GRM8: variants seen among roughly 807,000 people sequenced by gnomAD.
GRM8 encodes the protein metabotropic glutamate receptor 8.
A neutral mutation model predicts 87.2 loss-of-function variants in GRM8; 47 were observed. The ratio of observed to expected loss-of-function variants is 0.54; its 90% CI spans 0.43 to 0.69. The LOEUF (loss-of-function observed/expected upper bound fraction) is 0.69, where lower values mean the gene tolerates loss of function less well. GRM8 is among the 30% of genes least tolerant of loss of function. The pLI, the probability that GRM8 is intolerant of heterozygous loss-of-function variation, is 0.00. For missense variants in GRM8, 1,019 were observed against 1,139.2 expected, an observed-to-expected ratio of 0.89 and a Z score of 1.52; for synonymous variants, 396 against 404.5, an observed-to-expected ratio of 0.98 and a Z score of 0.25.
In GRM8 at chr7:126,494,835, C is replaced by A. The variant is rs137864130; in HGVS notation, c.2430+38117G>T. Among the ~76,000 whole-genome samples, 352 of 152,038 alleles carry A rather than the reference C, an allele frequency of 2.3e-3. 3 individuals carry two copies. The highest frequency in any genetic ancestry group is 8.1e-3 in the African/African-American group (338 of 41,512). Reference sequence around the variant, plus strand: ...TTTACTAAAATCACAAAATACAACGCCTAAGAGTGTACAAAATACATTCCC... The same window carrying A: ...TTTACTAAAATCACAAAATACAACGACTAAGAGTGTACAAAATACATTCCC... On this transcript the variant is annotated intron_variant, in intron 9 of 10. Transcript: ENST00000339582.
chr7:126,628,305 A>G (rs1226378904), intron 7 of GRM8, among the ~76,000 whole-genome samples: 1 of 152,082 alleles, frequency 6.6e-6, no homozygotes, highest in Non-Finnish European at 1.5e-5. Context: ...TCAGCCTCCC[A>G]AAGTGCTAGG....
At chr7:126,606,467 C>T (rs1344005792) in intron 8 of GRM8, among the ~76,000 whole-genome samples, 1 of 152,070 alleles carries the variant, frequency 6.6e-6, no homozygotes, top group East Asian at 1.9e-4. Context: ...AAAACTGAGG[C>T]AAATAATTTG....
intron 9 of GRM8, among the ~76,000 whole-genome samples, chr7:126,471,727 G>T (rs1805273028): frequency 6.6e-6 from 1 of 151,872 alleles, no homozygotes; most frequent in South Asian, 2.1e-4. Context: ...ATTCTGTGAA[G>T]AAAGTCATTG....
chr7:127,219,864 A>G (rs1796808683), intron 2 of GRM8, among the ~76,000 whole-genome samples: 1 of 152,162 alleles, frequency 6.6e-6, no homozygotes, highest in Non-Finnish European at 1.5e-5. Context: ...ACCACCACGG[A>G]TCTGCTGACC....
chr7:126,730,957 G>A, intron 7 of GRM8, among the ~76,000 whole-genome samples: 1 of 151,816 alleles, frequency 6.6e-6, no homozygotes, highest in Non-Finnish European at 1.5e-5. Flanking sequence ...ATAATTGTTT[G>A]GTAAACATTA....
chr7:126,841,069 TCTC>T (rs1443730667), intron 6 of GRM8, among the ~76,000 whole-genome samples: 1 of 152,224 alleles, frequency 6.6e-6, no homozygotes, highest in Non-Finnish European at 1.5e-5. Context: ...AGCCTTAACT[TCTC>T]CTGCATGATT....
intron 7 of GRM8, among the ~76,000 whole-genome samples, chr7:126,656,986 C>A (rs191131815): frequency 7.0e-4 from 107 of 152,306 alleles, no homozygotes; most frequent in African/African-American, 2.5e-3. Flanking sequence ...ATGTAGACAG[C>A]ACAATGGCTG....
At chr7:127,184,805 A>G (rs905732993) in intron 2 of GRM8, among the ~76,000 whole-genome samples, 7 of 151,986 alleles carry the variant, frequency 4.6e-5, no homozygotes, top group African/African-American at 1.7e-4. Context: ...GAAGGTTAAT[A>G]TACAAAAGTC....
intron 9 of GRM8, among the ~76,000 whole-genome samples, chr7:126,470,347 C>T (rs1216672197): frequency 3.5e-5 from 4 of 114,734 alleles, no homozygotes; most frequent in East Asian, 6.4e-4. Flanking sequence ...CCCCTCCCCC[C>T]ACCCCACAAC....
chr7:127,016,573 A>T (rs966028427), intron 3 of GRM8, among the ~76,000 whole-genome samples: 11 of 152,114 alleles, frequency 7.2e-5, no homozygotes, highest in African/African-American at 2.7e-4. Context: ...GGTGACAGAG[A>T]TAAATTTCAG....
chr7:126,475,173 G>GA (rs1805758592), intron 9 of GRM8, among the ~76,000 whole-genome samples: 1 of 151,866 alleles, frequency 6.6e-6, no homozygotes, highest in African/African-American at 2.4e-5. Context: ...ATCCTAATCA[G>GA]AATGAAAGAA....
chr7:126,486,735 T>C (rs1338815912), intron 9 of GRM8, among the ~76,000 whole-genome samples: 1 of 152,102 alleles, frequency 6.6e-6, no homozygotes, highest in Non-Finnish European at 1.5e-5. Flanking sequence ...TTATTTATAA[T>C]AACAAAGGTA....
At chr7:127,160,102 C>G (rs1430707172) in intron 2 of GRM8, among the ~76,000 whole-genome samples, 7 of 152,144 alleles carry the variant, frequency 4.6e-5, no homozygotes, top group African/African-American at 1.7e-4. Flanking sequence ...ACATACATCT[C>G]TTTCAAGAAA....
intron 3 of GRM8, among the ~76,000 whole-genome samples, chr7:127,096,460 T>C (rs1824664149): frequency 6.6e-6 from 1 of 151,732 alleles, no homozygotes; most frequent in African/African-American, 2.4e-5. Context: ...CTCGGGAGAC[T>C]GAGGTAGGAG....
At chr7:126,709,614 G>T (rs552931551) in intron 7 of GRM8, among the ~76,000 whole-genome samples, 10 of 152,196 alleles carry the variant, frequency 6.6e-5, no homozygotes, top group Admixed American at 1.3e-4. Flanking sequence ...ACAGTACAGA[G>T]GTTCCTTTAA....
intron 3 of GRM8, among the ~76,000 whole-genome samples, chr7:127,034,741 T>C (rs556727141): frequency 5.9e-5 from 9 of 152,310 alleles, no homozygotes; most frequent in Admixed American, 5.9e-4. Context: ...TGTACTCACT[T>C]TATCCCTCAA....
chr7:127,243,559 A>G, intron 1 of GRM8, 44 bp from the exon 2 acceptor site: 2 of 211,832 alleles, frequency 9.4e-6, no homozygotes, highest in Non-Finnish European at 9.3e-6. Flanking sequence ...GTGGGTCTAC[A>G]TGTTTCACAT....
At position 127,105,060 on chromosome 7, in the gene GRM8, T is replaced by C. The variant is rs150843036; in HGVS notation, c.727+1436A>G. 3.3e-5 allele frequency among the ~76,000 whole-genome samples: 5 copies of C among 152,314 alleles called. No individual in the cohort carries two copies. The East Asian group carries it at 9.6e-4, about 29-fold the overall frequency. On this transcript the variant is annotated intron_variant, in intron 3 of 10. Transcript: ENST00000339582. ...TATTAGTTTTCTCCTCTTGCTAAAT[T>C]ATCACTCTGGTAAGAACTGACATCA...
chr7:126,682,378 C>T (rs949011667), intron 7 of GRM8, among the ~76,000 whole-genome samples: 17 of 152,226 alleles, frequency 1.1e-4, no homozygotes, highest in Admixed American at 4.6e-4. Flanking sequence ...TTTCATAAAC[C>T]ATCTGATTTA....
Sources: allele counts gnomAD v4.1 joint callset (sites outside exome capture counted in the v4.1 genomes callset), GRCh38; gene constraint gnomAD v4.1.1; transcripts MANE v1.5; gene names NCBI Gene and HGNC (gene_info 2026-07-23, HGNC 2026-07-21).